Variants in TULP4 observed in about 807,000 individuals in gnomAD.
TULP4 encodes the protein tubby-related protein 4.
A neutral mutation model predicts 129.0 loss-of-function variants in TULP4; 16 were observed. The observed-to-expected ratio is 0.12, with a 90% CI of 0.08 to 0.19. The LOEUF (loss-of-function observed/expected upper bound fraction) is 0.19. Ranked by LOEUF, TULP4 falls within the 10% of genes least tolerant of loss-of-function variation. The pLI is 1.00. For synonymous variants in TULP4, 998 were observed against 854.0 expected (o/e 1.17, Z -2.94); for missense variants, 1,842 against 2,059.1 (o/e 0.89, Z 2.04).
chr6:158,232,591 C>G (rs111792408), intron 1 of TULP4, among the ~76,000 whole-genome samples: 13 of 151,808 alleles, frequency 8.6e-5, no homozygotes, highest in African/African-American at 3.1e-4. Context: ...AAGCTGAGCG[C>G]GGGGCGGGCG....
At chr6:158,322,579 G>C (rs1779664487) in intron 1 of TULP4, among the ~76,000 whole-genome samples, 1 of 152,084 alleles carries the variant, frequency 6.6e-6, no homozygotes. Flanking sequence ...TTACTTTCCA[G>C]TCCTTACAAT....
At chr6:158,500,441 T>A (rs1780418866) in intron 12 of TULP4, among the ~76,000 whole-genome samples, 1 of 152,232 alleles carries the variant, frequency 6.6e-6, no homozygotes, top group Non-Finnish European at 1.5e-5. Flanking sequence ...ATTCTGTAGT[T>A]CTTTTGATGA....
At chr6:158,311,519 G>T (rs1779353791), upstream of TULP4, among the ~76,000 whole-genome samples, 3 of 152,228 alleles carry the variant, frequency 2.0e-5, no homozygotes, top group African/African-American at 7.2e-5. Flanking sequence ...CCACATAAAA[G>T]CTTAGAAAAC....
At chr6:158,453,508 A>AAAAAAAAAAAC (rs1562572656) in intron 5 of TULP4, among the ~76,000 whole-genome samples, 1 of 142,176 alleles carries the variant, frequency 7.0e-6, no homozygotes, top group Non-Finnish European at 1.5e-5. Flanking sequence ...AAAAAAAAAA[A>AAAAAAAAAAAC]AGCCGGGCAC....
intron 6 of TULP4, among the ~76,000 whole-genome samples, chr6:158,471,399 A>G (rs1400864960): frequency 2.0e-5 from 3 of 152,240 alleles, no homozygotes; most frequent in Non-Finnish European, 4.4e-5. Context: ...TAGCAGGGCC[A>G]AGGAGTCGAA....
At chr6:158,360,441 C>T (rs541322805) in intron 1 of TULP4, among the ~76,000 whole-genome samples, 1 of 152,228 alleles carries the variant, frequency 6.6e-6, no homozygotes, top group Admixed American at 6.5e-5. Context: ...TCTTATATGT[C>T]ATATGCTTTA....
chr6:158,384,823 G>A (rs981680203), intron 1 of TULP4, among the ~76,000 whole-genome samples: 4 of 152,164 alleles, frequency 2.6e-5, no homozygotes, highest in African/African-American at 7.2e-5. Flanking sequence ...AGGGACTTGT[G>A]GGACAAGGAG....
At chr6:158,328,020 T>C (rs574697199) in intron 1 of TULP4, among the ~76,000 whole-genome samples, 23 of 151,720 alleles carry the variant, frequency 1.5e-4, no homozygotes, top group African/African-American at 5.6e-4. Context: ...TTTCTTTCAG[T>C]AAGAAACTTC....
intron 1 of TULP4, among the ~76,000 whole-genome samples, chr6:158,284,509 C>CGCCGTGAAT (rs1778805854): frequency 6.6e-6 from 1 of 150,984 alleles, no homozygotes; most frequent in Non-Finnish European, 1.5e-5. Flanking sequence ...GGAAATGAGC[C>CGCCGTGAAT]GCCGTGAATG....
intron 13 of TULP4, 72 bp downstream of exon 13, chr6:158,504,250 A>G: frequency 1.6e-6 from 2 of 1,276,004 alleles, no homozygotes; most frequent in South Asian, 1.5e-5. Flanking sequence ...TTCAAGGAGC[A>G]TTTTTCAAAA....
intron 12 of TULP4, among the ~76,000 whole-genome samples, chr6:158,499,960 G>A (rs1780407477): frequency 6.6e-6 from 1 of 152,184 alleles, no homozygotes; most frequent in Non-Finnish European, 1.5e-5. Context: ...GGTCCTAATA[G>A]GCCAAGCTTA....
At chr6:158,466,263 G>A (rs1222308022) in intron 6 of TULP4, among the ~76,000 whole-genome samples, 4 of 152,126 alleles carry the variant, frequency 2.6e-5, no homozygotes, top group African/African-American at 9.7e-5. Flanking sequence ...CCATTCAGTC[G>A]ATAGGGGGCT....
chr6:158,314,067 C>T lies in TULP4; in HGVS notation c.51C>T (p.Ile17=). 6.2e-7 allele frequency: 1 copy of T among 1,614,146 alleles called. No individual in the cohort carries two copies. Among genetic ancestry groups the T allele is most frequent in the Non-Finnish European group, 8.5e-7 (1 of 1,180,018 alleles). The change falls in exon 1 of 14, where the codon ATC becomes ATT. Residue 17 remains isoleucine, a synonymous_variant. Coordinates refer to ENST00000367097, the MANE Select transcript of TULP4 (RefSeq NM_020245.5). ...HGPVLCSDSN[I]LCLSWKGRVP... is the part of the protein sequence containing the mutation. ...CTGTGCTTTGCAGCGATTCCAACAT[C>T]CTGTGCCTGTCCTGGAAGGGGCGTG...
At chr6:158,404,648 C>T (rs1182161456) in intron 1 of TULP4, among the ~76,000 whole-genome samples, 6 of 151,744 alleles carry the variant, frequency 4.0e-5, no homozygotes, top group East Asian at 3.9e-4. Flanking sequence ...TGGTGGTGCA[C>T]GCCTGTAATC....
At chr6:158,409,401 A>G (rs1245523875) in intron 1 of TULP4, among the ~76,000 whole-genome samples, 4 of 152,186 alleles carry the variant, frequency 2.6e-5, no homozygotes, top group Non-Finnish European at 5.9e-5. Flanking sequence ...CATACACTTT[A>G]GCTAATACCC....
chr6:158,371,841 GTC>G (rs1430369401), intron 1 of TULP4, among the ~76,000 whole-genome samples: 3 of 152,158 alleles, frequency 2.0e-5, no homozygotes, highest in Non-Finnish European at 4.4e-5. Flanking sequence ...TTGAGACAAG[GTC>G]TCTTTCTGTC....
Position 158,452,288 on chromosome 6 carries a change from C to G in TULP4, c.859+20C>G. 6.2e-7 allele frequency: 1 copy of G among 1,612,476 alleles called. No homozygotes were observed. Among genetic ancestry groups the G allele is most frequent in the Non-Finnish European group, 8.5e-7 (1 of 1,179,114 alleles). ...TGAAAGGTACAGAATGCTGCACACA[C>G]CCCAAACCTGCAGACCGGGCCTGTG... On this transcript the variant is annotated intron_variant, in intron 5 of 13. Transcript: ENST00000367097.
chr6:158,462,516 G>T (rs1779454233), intron 6 of TULP4, among the ~76,000 whole-genome samples: 1 of 151,152 alleles, frequency 6.6e-6, no homozygotes, highest in South Asian at 2.1e-4. Flanking sequence ...TGGGACTACA[G>T]GTGTCTGCCA....
intron 1 of TULP4, among the ~76,000 whole-genome samples, chr6:158,243,352 T>C (rs1026261215): frequency 6.6e-6 from 1 of 152,246 alleles, no homozygotes; most frequent in Middle Eastern, 3.4e-3. Context: ...CTTAGTATCA[T>C]CAGATATCCA....
Sources: allele counts gnomAD v4.1 joint callset (sites outside exome capture counted in the v4.1 genomes callset), GRCh38; gene constraint gnomAD v4.1.1; transcripts MANE v1.5; gene names NCBI Gene and HGNC (gene_info 2026-07-23, HGNC 2026-07-21).